WDR3: variants seen among roughly 807,000 people sequenced by gnomAD.
WDR3 encodes the protein WD repeat-containing protein 3.
Under a neutral mutation model 123.7 loss-of-function variants are expected in WDR3, and 81 were observed. The observed-to-expected ratio is 0.65, with a 90% CI of 0.55 to 0.79. The LOEUF (loss-of-function observed/expected upper bound fraction) is 0.79. Among genes scored for constraint, WDR3 ranks in the 30% least tolerant of loss-of-function variants. The pLI is 0.00. For missense variants in WDR3, 1,027 were observed against 1,123.2 expected (o/e 0.91, Z 1.22); for synonymous variants, 390 against 388.8 (o/e 1.00, Z -0.04).
intron 10 of WDR3, 47 bp from the exon 11 acceptor site, chr1:117,943,349 T>G: frequency 4.8e-5 from 72 of 1,490,982 alleles, no homozygotes; most frequent in Non-Finnish European, 6.0e-5. Context: ...GTAAACCTTG[T>G]GAGCTAAGAT....
chr1:117,955,778 A>G (rs1360437994), intron 24 of WDR3, among the ~76,000 whole-genome samples: 3 of 151,866 alleles, frequency 2.0e-5, no homozygotes, highest in East Asian at 1.9e-4. Context: ...AAAAAAAATC[A>G]TTGGATTCAG....
At chr1:117,945,383 G>T (rs1244810256) in intron 11 of WDR3, among the ~76,000 whole-genome samples, 1 of 152,072 alleles carries the variant, frequency 6.6e-6, no homozygotes, top group Non-Finnish European at 1.5e-5. Flanking sequence ...TATGGCTGTT[G>T]TGCTCCCTGT....
At chr1:117,942,749 A>G (rs932935776) in intron 10 of WDR3, among the ~76,000 whole-genome samples, 1 of 152,076 alleles carries the variant, frequency 6.6e-6, no homozygotes, top group African/African-American at 2.4e-5. Context: ...TACCCTTTTT[A>G]GCTAGTCATT....
Position 117,960,843 on chromosome 1 carries a change from G to T in WDR3, c.*1396G>T, listed in dbSNP as rs372438835. On this transcript the variant is annotated 3_prime_UTR_variant, in exon 27 of 27. Coordinates refer to ENST00000349139, the MANE Select transcript of WDR3 (RefSeq NM_006784.3). ...GTGTTAATGTTGATAATAGATTTGC[G>T]TGTATTTTATGGCAGTAAATGATAA... The T allele has an allele frequency of 1.3e-5, 2 of 152,196 alleles. No homozygotes were observed. The highest frequency in any genetic ancestry group is 2.9e-5 in the Non-Finnish European group (2 of 68,040). 9.4% of individuals were successfully genotyped at this position (152,196 alleles called of 1,614,324 possible).
At chr1:117,959,035 A>C (rs1368634258) in intron 26 of WDR3, 32 bp downstream of exon 26, 7 of 1,596,434 alleles carry the variant, frequency 4.4e-6, no homozygotes, top group Non-Finnish European at 6.0e-6. Flanking sequence ...TAAAATAATG[A>C]GGCAAATTCC....
intron 20 of WDR3, among the ~76,000 whole-genome samples, 171 bp from the exon 21 acceptor site, chr1:117,953,305 G>A (rs1651719196): frequency 6.6e-6 from 1 of 152,124 alleles, no homozygotes; most frequent in Non-Finnish European, 1.5e-5. Flanking sequence ...AACATTTGCA[G>A]GATGTTCTTA....
rs1652334761 is a variant in WDR3, at chr1:117,957,162, G to A, written c.2548G>A (p.Glu850Lys). The A allele has an allele frequency of 6.2e-7, 1 of 1,612,240 alleles. No homozygotes were observed. The highest frequency in any genetic ancestry group is 8.5e-7 in the Non-Finnish European group (1 of 1,179,304). ...ATTCATTCAGCTGGGCTCTGATGTT[G>A]AACTTATATGCCGGTGCCTCTTCTT... ...NEFIQLGSDVELICRCLFFLL... is the reference protein window; with the variant it reads ...NEFIQLGSDVKLICRCLFFLL... The change falls in exon 25 of 27, where the codon GAA becomes AAA. Residue 850 changes from glutamate (E) to lysine (K), a missense_variant. Coordinates refer to ENST00000349139, the MANE Select transcript of WDR3 (RefSeq NM_006784.3).
At chr1:117,950,205 G>GA in intron 15 of WDR3, 75 bp downstream of exon 15, 1 of 1,576,198 alleles carries the variant, frequency 6.3e-7, no homozygotes. Flanking sequence ...AGGCTATAAA[G>GA]AAGTGGCCTT....
chr1:117,945,219 A>G (rs756150651), intron 11 of WDR3, among the ~76,000 whole-genome samples: 5 of 152,116 alleles, frequency 3.3e-5, no homozygotes, highest in African/African-American at 4.8e-5. Flanking sequence ...AGCCAGTGTA[A>G]TCTTTTTATA....
At chr1:117,936,913 A>G (rs1650962557) in intron 4 of WDR3, 26 bp downstream of exon 4, 22 of 1,587,214 alleles carry the variant, frequency 1.4e-5, no homozygotes, top group Non-Finnish European at 1.9e-5. Context: ...TTTAATTTCC[A>G]GTTATTTTCT....
rs1157799616 is a variant in WDR3 at position 117,962,732 on chromosome 1, T to C, written c.*3285T>C. On this transcript the variant is annotated 3_prime_UTR_variant, in exon 27 of 27. Transcript: ENST00000349139. ...TCTCAATGGCAAATGTCATAAATTA[T>C]ATCTCATTCTAAAGATATCTAGCAA... The C allele has an allele frequency of 6.6e-6, 1 of 152,254 alleles. No homozygotes were observed. The highest frequency in any genetic ancestry group is 1.5e-5 in the Non-Finnish European group (1 of 68,038). The allele number at this position is 152,254 out of a possible 1,614,324, so 9.4% of individuals were successfully genotyped here. A position where few individuals can be genotyped will look rare whatever the true frequency, so the allele number is the denominator to read the frequency against.
chr1:117,941,647 T>C (rs1651176871), intron 8 of WDR3, 103 bp from the exon 9 acceptor site: 2 of 1,408,790 alleles, frequency 1.4e-6, no homozygotes, highest in South Asian at 2.7e-5. Context: ...GTAATACAAC[T>C]ACTAAGGGAA....
At chr1:117,936,736 T>A (rs1197425618) in intron 3 of WDR3, 33 bp from the exon 4 acceptor site, 4 of 1,528,194 alleles carry the variant, frequency 2.6e-6, no homozygotes, top group Non-Finnish European at 3.6e-6. Context: ...GTAAAGAAAA[T>A]TATTTTTCAT....
chr1:117,966,447 T>C lies in WDR3; in HGVS notation c.*7000T>C. ...AGGTATTTTTTTAGATTTGGCTAGG[T>C]GCTTTCAAAGATGAATGAAGATGCT... On this transcript the variant is annotated 3_prime_UTR_variant, in exon 27 of 27. Coordinates refer to ENST00000349139, the MANE Select transcript of WDR3 (RefSeq NM_006784.3). The C allele has an allele frequency of 1.6e-6, 1 of 637,106 alleles. No individual in the cohort carries two copies. The highest frequency in any genetic ancestry group is 2.4e-6 in the Non-Finnish European group (1 of 410,464). The allele number at this position is 637,106 out of a possible 1,614,324, so 39.5% of individuals were successfully genotyped here. A position where few individuals can be genotyped will look rare whatever the true frequency, so the allele number is the denominator to read the frequency against.
chr1:117,956,448 G>T (rs994912438), intron 24 of WDR3, among the ~76,000 whole-genome samples: 5 of 152,132 alleles, frequency 3.3e-5, no homozygotes, highest in African/African-American at 1.2e-4. Context: ...GGATAAAGAT[G>T]AAACTTCACT....
chr1:117,957,182 C>CTT lies in WDR3; in HGVS notation c.2569_2570dup (p.Phe858SerfsTer20). 3.1e-6 allele frequency: 5 copies of CTT among 1,611,522 alleles called. No homozygotes were observed. The highest frequency in any genetic ancestry group is 4.2e-6 in the Non-Finnish European group (5 of 1,179,084). Reference sequence around the variant, plus strand: ...ATGTTGAACTTATATGCCGGTGCCTCTTCTTCCTCCTTAGGTAACATCCTT... The same window carrying CTT: ...ATGTTGAACTTATATGCCGGTGCCTCTTTTCTTCCTCCTTAGGTAACATCCTT... On this transcript the variant is annotated frameshift_variant, in exon 25 of 27. Coordinates refer to ENST00000349139, the MANE Select transcript of WDR3 (RefSeq NM_006784.3). LOFTEE classifies it high-confidence loss of function.
intron 23 of WDR3, 26 bp downstream of exon 23, chr1:117,954,653 C>G: frequency 6.2e-7 from 1 of 1,605,818 alleles, no homozygotes; most frequent in Non-Finnish European, 8.5e-7. Context: ...AACGGTTTTC[C>G]TTTGTTTATT....
intron 5 of WDR3, among the ~76,000 whole-genome samples, 192 bp downstream of exon 5, chr1:117,938,750 T>C (rs1235625133): frequency 6.6e-6 from 1 of 152,178 alleles, no homozygotes; most frequent in Non-Finnish European, 1.5e-5. Context: ...TGCTCTGACA[T>C]GTAGTAAAAA....
chr1:117,944,277 A>C (rs1308578158), intron 11 of WDR3, among the ~76,000 whole-genome samples: 1 of 151,616 alleles, frequency 6.6e-6, no homozygotes, highest in African/African-American at 2.4e-5. Context: ...TCTTTGACAC[A>C]CTCTTTGACT....
Sources: allele counts gnomAD v4.1 joint callset (sites outside exome capture counted in the v4.1 genomes callset), GRCh38; gene constraint gnomAD v4.1.1; transcripts MANE v1.5; gene names NCBI Gene and HGNC (gene_info 2026-07-23, HGNC 2026-07-21).